NALF1: variants seen among roughly 807,000 people sequenced by gnomAD.
NALF1 encodes NALCN channel auxiliary factor 1.
In NALF1, 3 loss-of-function variants were observed where a neutral mutation model predicts 48.4. That is an observed-to-expected ratio of 0.06 (90% CI 0.03 to 0.16). The LOEUF is 0.16. NALF1 is among the 10% of genes least tolerant of loss of function. NALF1 has a pLI of 1.00. For missense variants in NALF1, 526 were observed against 571.5 expected, an observed-to-expected ratio of 0.92 and a Z score of 0.81; for synonymous variants, 262 against 245.7, an observed-to-expected ratio of 1.07 and a Z score of -0.62.
At chr13:107,756,435 C>CCATATATATATATA (rs1555323651) in intron 1 of NALF1, among the ~76,000 whole-genome samples, 1 of 141,056 alleles carries the variant, frequency 7.1e-6, no homozygotes, top group Non-Finnish European at 1.5e-5. Flanking sequence ...AGTTTAATGG[C>CCATATATATATATA]TATATATATA....
At chr13:107,860,619 T>C (rs1055356256) in intron 1 of NALF1, among the ~76,000 whole-genome samples, 14 of 152,196 alleles carry the variant, frequency 9.2e-5, no homozygotes, top group Non-Finnish European at 1.9e-4. Context: ...GAAAAAAATA[T>C]ATTTGCAATG....
chr13:107,189,322 G>T (rs1179569128), intron 2 of NALF1, among the ~76,000 whole-genome samples: 1 of 152,020 alleles, frequency 6.6e-6, no homozygotes, highest in Non-Finnish European at 1.5e-5. Flanking sequence ...TCCCCAAAAT[G>T]GTCACACAGT....
In NALF1 at chr13:107,763,552, C is replaced by T. The variant is rs374795861; in HGVS notation, c.915+102130G>A. 9.2e-5 allele frequency among the ~76,000 whole-genome samples: 14 copies of T among 151,360 alleles called. No individual in the cohort carries two copies. In the East Asian group the frequency reaches 1.4e-3, roughly 15 times the overall value. ...GATAAGAATATTTCCACATTAAATG[C>T]CCTTCAAAAATTTTTCTTGAAGCTT... On this transcript the variant is annotated intron_variant, in intron 1 of 2. Transcript: ENST00000375915.
At chr13:107,632,741 T>C (rs1054650949) in intron 1 of NALF1, among the ~76,000 whole-genome samples, 19 of 152,130 alleles carry the variant, frequency 1.2e-4, no homozygotes, top group Non-Finnish European at 2.6e-4. Flanking sequence ...CAGATTATAA[T>C]GCAAGCACAC....
At chr13:107,558,186 C>G (rs1877537687) in intron 1 of NALF1, among the ~76,000 whole-genome samples, 1 of 151,748 alleles carries the variant, frequency 6.6e-6, no homozygotes, top group African/African-American at 2.4e-5. Context: ...TGCTCCAAAA[C>G]ATCACAGAAA....
At chr13:107,384,296 A>C (rs551035128) in intron 1 of NALF1, among the ~76,000 whole-genome samples, 18 of 152,020 alleles carry the variant, frequency 1.2e-4, no homozygotes, top group South Asian at 4.2e-4. Flanking sequence ...AACAAAAAAA[A>C]CCCTGCCTGC....
chr13:107,605,012 C>T (rs991693337), intron 1 of NALF1, among the ~76,000 whole-genome samples: 8 of 152,146 alleles, frequency 5.3e-5, no homozygotes, highest in Admixed American at 2.6e-4. Context: ...AGTATGTTTG[C>T]AGTTTACAGG....
At chr13:107,274,463 C>T (rs562283178) in intron 1 of NALF1, among the ~76,000 whole-genome samples, 4 of 152,260 alleles carry the variant, frequency 2.6e-5, no homozygotes, top group Admixed American at 2.6e-4. Context: ...ATGGGAAGTT[C>T]AGGCAGGCGG....
intron 1 of NALF1, among the ~76,000 whole-genome samples, chr13:107,224,668 T>G (rs1166917671): frequency 6.6e-6 from 1 of 152,080 alleles, no homozygotes; most frequent in Non-Finnish European, 1.5e-5. Context: ...CAAATTATTT[T>G]CATTCAATTG....
At chr13:107,441,067 A>G (rs946006610) in intron 1 of NALF1, among the ~76,000 whole-genome samples, 29 of 152,184 alleles carry the variant, frequency 1.9e-4, no homozygotes, top group African/African-American at 7.0e-4. Context: ...ATACCCTTCA[A>G]GTATCCACTT....
At chr13:107,786,812 C>T (rs1423600741) in intron 1 of NALF1, among the ~76,000 whole-genome samples, 1 of 152,150 alleles carries the variant, frequency 6.6e-6, no homozygotes, top group Non-Finnish European at 1.5e-5. Context: ...CATCTCCTTC[C>T]AAGGCAATCA....
At chr13:107,354,185 C>T (rs924089937) in intron 1 of NALF1, among the ~76,000 whole-genome samples, 2 of 152,144 alleles carry the variant, frequency 1.3e-5, no homozygotes, top group African/African-American at 4.8e-5. Flanking sequence ...CTATGTGTCA[C>T]TGTAACTTGT....
At chr13:107,440,792 T>C (rs1338529869) in intron 1 of NALF1, among the ~76,000 whole-genome samples, 1 of 152,224 alleles carries the variant, frequency 6.6e-6, no homozygotes. Context: ...GTCATCAGGC[T>C]GAACCTGTCT....
intron 1 of NALF1, among the ~76,000 whole-genome samples, chr13:107,326,714 A>T (rs1241954216): frequency 6.6e-6 from 1 of 152,224 alleles, no homozygotes; most frequent in Non-Finnish European, 1.5e-5. Flanking sequence ...TAGACCCTGC[A>T]GGGACAGAAT....
intron 1 of NALF1, among the ~76,000 whole-genome samples, chr13:107,597,108 G>A (rs889555276): frequency 1.3e-5 from 2 of 152,096 alleles, no homozygotes; most frequent in African/African-American, 2.4e-5. Flanking sequence ...AGGGTGTTAC[G>A]TTTCATACAT....
intron 1 of NALF1, chr13:107,466,151 C>T (rs887401965): frequency 6.6e-6 from 1 of 152,222 alleles, no homozygotes; most frequent in Non-Finnish European, 1.5e-5. Context: ...GACTCATTCA[C>T]TACCACAAAA....
intron 1 of NALF1, among the ~76,000 whole-genome samples, chr13:107,836,698 G>C (rs59053514): frequency 6.6e-6 from 1 of 152,106 alleles, no homozygotes. Flanking sequence ...GAAAGTCCTC[G>C]CCTGATTTCA....
At chr13:107,250,956 T>C (rs1223240883) in intron 1 of NALF1, among the ~76,000 whole-genome samples, 1 of 152,150 alleles carries the variant, frequency 6.6e-6, no homozygotes, top group Non-Finnish European at 1.5e-5. Flanking sequence ...GATTGTAAGT[T>C]TCCTGAGGCC....
At chr13:107,233,977 C>A (rs938774472) in intron 1 of NALF1, among the ~76,000 whole-genome samples, 12 of 152,084 alleles carry the variant, frequency 7.9e-5, no homozygotes, top group African/African-American at 2.7e-4. Context: ...CATTACTGTA[C>A]AATTTATAGG....
Sources: gnomAD v4.1 joint callset for allele counts (sites outside exome capture counted in the v4.1 genomes callset) on GRCh38, gnomAD v4.1.1 for gene constraint, MANE v1.5 for transcripts, NCBI Gene and HGNC (gene_info 2026-07-23, HGNC 2026-07-21) for gene names.